Variants in PKNOX1 observed in about 807,000 individuals in gnomAD.
PKNOX1 encodes the protein homeobox protein PKNOX1.
PKNOX1 carries 15 observed loss-of-function variants against 51.9 expected under a neutral mutation model. The ratio of observed to expected loss-of-function variants is 0.29; its 90% CI spans 0.19 to 0.45. The LOEUF is 0.45. PKNOX1 is among the 20% of genes least tolerant of loss of function. The pLI is 1.00. For missense variants in PKNOX1, 462 were observed against 547.5 expected, an observed-to-expected ratio of 0.84 and a Z score of 1.56; for synonymous variants, 219 against 211.1, an observed-to-expected ratio of 1.04 and a Z score of -0.32.
chr21:42,983,214 G>C (rs1440066777), intron 1 of PKNOX1, among the ~76,000 whole-genome samples: 1 of 151,882 alleles, frequency 6.6e-6, no homozygotes, highest in African/African-American at 2.4e-5. Context: ...TCATACTTTT[G>C]TACAGCCATC....
chr21:43,012,638 C>G lies in PKNOX1; in HGVS notation c.352-430C>G, dbSNP rs140044437. ...AAGAGAAAATCTTGAGGATCTAGAA[C>G]TAGGCAAAGACACCAAAATGGAACT... On this transcript the variant is annotated intron_variant, in intron 4 of 10. Coordinates refer to ENST00000291547, the MANE Select transcript of PKNOX1 (RefSeq NM_004571.5). Among the ~76,000 whole-genome samples, 27 of 152,304 alleles carry G rather than the reference C, an allele frequency of 1.8e-4. No individual in the cohort carries two copies. In the East Asian group the frequency reaches 5.2e-3, roughly 29 times the overall value.
intron 2 of PKNOX1, among the ~76,000 whole-genome samples, chr21:43,004,891 G>C (rs957922893): frequency 3.9e-5 from 6 of 152,160 alleles, no homozygotes; most frequent in Non-Finnish European, 8.8e-5. Context: ...CTCTATCTTT[G>C]TACCTTGCTC....
In PKNOX1 at chr21:43,021,555, T is replaced by C. The variant is rs532413767; in HGVS notation, c.849+124T>C. 2 of 1,165,818 alleles carry C rather than the reference T, an allele frequency of 1.7e-6. No homozygotes were observed. The highest frequency in any genetic ancestry group is 3.1e-5 in the African/African-American group (2 of 64,932). The allele number at this position is 1,165,818 out of a possible 1,614,324, so 72.2% of individuals were successfully genotyped here. Reference sequence around the variant, plus strand: ...AATCAAAGGCCTGACTTTCAGGACTTTGTGGCATGTCCATAATGTGGGGAG... The same window carrying C: ...AATCAAAGGCCTGACTTTCAGGACTCTGTGGCATGTCCATAATGTGGGGAG... On this transcript the variant is annotated intron_variant, in intron 8 of 10. Transcript: ENST00000291547. This position sits in a 1 kb window ranked among gnomAD's most constrained non-coding sequence, Gnocchi z 4.6.
At chr21:42,980,787 T>G (rs999558018) in intron 1 of PKNOX1, among the ~76,000 whole-genome samples, 1 of 152,200 alleles carries the variant, frequency 6.6e-6, no homozygotes, top group Non-Finnish European at 1.5e-5. Context: ...CTCTAATGCT[T>G]TGGAAAATAC....
In PKNOX1 at chr21:43,031,056, C is replaced by A. The variant is rs761184536; in HGVS notation, c.*955C>A. 6.6e-6 allele frequency: 1 copy of A among 152,606 alleles called. No individual in the cohort carries two copies. The highest frequency in any genetic ancestry group is 1.5e-5 in the Non-Finnish European group (1 of 68,040). The allele number at this position is 152,606 out of a possible 1,614,324, so 9.5% of individuals were successfully genotyped here. A position where few individuals can be genotyped will look rare whatever the true frequency, so the allele number is the denominator to read the frequency against. ...TGAGGTGAAATGGTAGCCAGTGACC[C>A]GTTAGGAGCTCTCACCGTACATACT... On this transcript the variant is annotated 3_prime_UTR_variant, in exon 11 of 11. Transcript: ENST00000291547.
chr21:43,014,350 TTTTTAAC>T (rs1488406261), intron 5 of PKNOX1, among the ~76,000 whole-genome samples: 1 of 152,048 alleles, frequency 6.6e-6, no homozygotes, highest in Non-Finnish European at 1.5e-5. Context: ...GTTGGATTTT[TTTTTAAC>T]TTCTGAGTGT....
At position 43,033,055 on chromosome 21, in the gene PKNOX1, G is replaced by C. The variant is rs1292215915; in HGVS notation, c.*2954G>C. ...TCTTGTTGAGTTTTTCCCTATGAAG[G>C]CTCCTTTTGAATGTGTCTTGAGACC... On this transcript the variant is annotated 3_prime_UTR_variant, in exon 11 of 11. Transcript: ENST00000291547. 1 of 152,146 alleles carries C rather than the reference G, an allele frequency of 6.6e-6. No homozygotes were observed. The highest frequency in any genetic ancestry group is 1.5e-5 in the Non-Finnish European group (1 of 68,030). 9.4% of individuals were successfully genotyped at this position (152,146 alleles called of 1,614,324 possible).
At chr21:43,017,849 G>C (rs1224064924) in intron 6 of PKNOX1, 1 of 274,262 alleles carries the variant, frequency 3.6e-6, no homozygotes, top group South Asian at 4.9e-5. Flanking sequence ...AACTGGCAAA[G>C]GATTGTTGAT....
chr21:43,017,236 A>T (rs533792298), intron 6 of PKNOX1: 1 of 334,706 alleles, frequency 3.0e-6, no homozygotes, highest in South Asian at 8.3e-5. Context: ...GGAAAGAAAA[A>T]AGGTTTTATG....
chr21:43,016,805 CT>C (rs1979510080), intron 5 of PKNOX1, 102 bp from the exon 6 acceptor site: 3 of 683,148 alleles, frequency 4.4e-6, no homozygotes, highest in Non-Finnish European at 7.2e-6. Context: ...TCAAGCTTCT[CT>C]TTCCTTTTTT....
intron 1 of PKNOX1, among the ~76,000 whole-genome samples, chr21:43,002,147 G>A (rs564164390): frequency 2.0e-5 from 3 of 152,142 alleles, no homozygotes; most frequent in Admixed American, 6.5e-5. Flanking sequence ...ATGAACCGCC[G>A]TGTCCAGTTA....
intron 9 of PKNOX1, among the ~76,000 whole-genome samples, chr21:43,027,414 C>T (rs1031613183): frequency 5.3e-5 from 8 of 152,080 alleles, no homozygotes; most frequent in African/African-American, 1.9e-4. Context: ...TGCAGCAGAA[C>T]GCATGTCTGG....
At chr21:43,009,439 C>T (rs1979143559) in intron 3 of PKNOX1, among the ~76,000 whole-genome samples, 1 of 151,426 alleles carries the variant, frequency 6.6e-6, no homozygotes, top group South Asian at 2.1e-4. Context: ...GAGCGAAACT[C>T]CATCTCAAAA....
intron 7 of PKNOX1, among the ~76,000 whole-genome samples, chr21:43,019,668 G>A (rs1222431430): frequency 4.6e-5 from 7 of 151,590 alleles, no homozygotes; most frequent in African/African-American, 9.7e-5. Flanking sequence ...TCAGCCTCCC[G>A]AGTAGCTGGG....
At chr21:42,994,030 C>G (rs1412865457) in intron 1 of PKNOX1, among the ~76,000 whole-genome samples, 1 of 83,070 alleles carries the variant, frequency 1.2e-5, no homozygotes, top group African/African-American at 4.8e-5. Context: ...CCGCGCCCAG[C>G]CTTTTTTTTT....
rs34974471 is a variant in PKNOX1, at chr21:42,990,096, C to CA, written c.-56-14217dup. ...TGGGCAACAGAGCCAGACCCTGTCT[C>CA]AAAAAAAAAAAAATAATAATAATAA... On this transcript the variant is annotated intron_variant, in intron 1 of 10. Transcript: ENST00000291547. Among the ~76,000 whole-genome samples, 96 of 144,518 alleles carry CA rather than the reference C, an allele frequency of 6.6e-4. 1 individual carries two copies. In the East Asian group the frequency reaches 0.013, roughly 19 times the overall value. The allele number at this position is 144,518 out of a possible 152,430, so 94.8% of individuals were successfully genotyped here.
intron 1 of PKNOX1, among the ~76,000 whole-genome samples, chr21:42,978,523 G>A (rs1202632128): frequency 6.7e-5 from 9 of 133,596 alleles, no homozygotes; most frequent in Admixed American, 1.7e-4. Context: ...TCGCTCTGTC[G>A]CCCAGGCTAG....
chr21:43,014,987 C>T (rs1182305406), intron 5 of PKNOX1, among the ~76,000 whole-genome samples: 1 of 152,248 alleles, frequency 6.6e-6, no homozygotes, highest in Non-Finnish European at 1.5e-5. Flanking sequence ...ATTAAGTCTT[C>T]CAGTCCACAG....
intron 6 of PKNOX1, chr21:43,017,289 A>T (rs1242971906): frequency 1.3e-5 from 3 of 237,028 alleles, no homozygotes; most frequent in Non-Finnish European, 2.5e-5. Context: ...GTCATTTTCA[A>T]ATAACATAGC....
Sources: gnomAD v4.1 joint callset for allele counts (sites outside exome capture counted in the v4.1 genomes callset) on GRCh38, gnomAD v4.1.1 for gene constraint, Gnocchi (gnomAD v3.1) non-coding constraint, MANE v1.5 for transcripts, NCBI Gene and HGNC (gene_info 2026-07-23, HGNC 2026-07-21) for gene names.